The following CADM2 variants were observed in gnomAD, a reference collection of about 807,000 sequenced individuals.
The protein encoded by CADM2 is cell adhesion molecule 2.
A neutral mutation model predicts 49.8 loss-of-function variants in CADM2; 12 were observed. That is an observed-to-expected ratio of 0.24 (90% CI 0.15 to 0.39). The LOEUF is 0.39. Ranked by LOEUF, CADM2 falls within the 10% of genes least tolerant of loss-of-function variation. The pLI is 1.00. For missense variants in CADM2, 378 were observed against 492.3 expected, an observed-to-expected ratio of 0.77 and a Z score of 2.20; for synonymous variants, 214 against 175.4, an observed-to-expected ratio of 1.22 and a Z score of -1.74.
intron 1 of CADM2, among the ~76,000 whole-genome samples, chr3:85,290,890 T>C (rs2075560168): frequency 6.6e-6 from 1 of 152,132 alleles, no homozygotes; most frequent in South Asian, 2.1e-4. Flanking sequence ...CCTCTCCTTC[T>C]CAAAAGGAAC....
At chr3:85,881,438 G>A (rs1712756844) in intron 3 of CADM2, among the ~76,000 whole-genome samples, 1 of 151,990 alleles carries the variant, frequency 6.6e-6, no homozygotes, top group African/African-American at 2.4e-5. Flanking sequence ...TGTTTAGTAT[G>A]ACTAGTAAGT....
chr3:86,038,925 T>C (rs1371330252), intron 8 of CADM2, among the ~76,000 whole-genome samples: 1 of 152,214 alleles, frequency 6.6e-6, no homozygotes, highest in Admixed American at 6.5e-5. Context: ...TAGTGACAGC[T>C]GTTTGAAAAT....
At chr3:86,012,254 GTTATT>G (rs1177147803) in intron 8 of CADM2, among the ~76,000 whole-genome samples, 2 of 152,076 alleles carry the variant, frequency 1.3e-5, no homozygotes, top group East Asian at 3.8e-4. Context: ...TGTATGTATA[GTTATT>G]TTAGTAAATC....
At chr3:85,886,105 T>A (rs1713619304) in intron 4 of CADM2, 85 bp from the exon 5 acceptor site, 1 of 1,559,930 alleles carries the variant, frequency 6.4e-7, no homozygotes, top group Non-Finnish European at 8.7e-7. Context: ...ACCATCCAGT[T>A]CAGTTTCATG....
intron 1 of CADM2, among the ~76,000 whole-genome samples, chr3:85,122,236 G>T (rs769483416): frequency 2.0e-5 from 3 of 151,992 alleles, no homozygotes; most frequent in Non-Finnish European, 4.4e-5. Flanking sequence ...AGTTTTAATT[G>T]ATTCACCAAC....
At chr3:86,046,396 C>T (rs1736691766) in intron 8 of CADM2, among the ~76,000 whole-genome samples, 1 of 152,090 alleles carries the variant, frequency 6.6e-6, no homozygotes, top group South Asian at 2.1e-4. Context: ...TATTTTTCTT[C>T]TCATTCTCCA....
chr3:85,620,174 T>G (rs1394754474), intron 1 of CADM2, among the ~76,000 whole-genome samples: 1 of 152,194 alleles, frequency 6.6e-6, no homozygotes, highest in Non-Finnish European at 1.5e-5. Flanking sequence ...TTAAAGCTAA[T>G]GAGATGATAT....
intron 1 of CADM2, among the ~76,000 whole-genome samples, chr3:84,965,954 T>C (rs898862180): frequency 2.0e-5 from 3 of 152,204 alleles, no homozygotes; most frequent in African/African-American, 7.2e-5. Context: ...TCTAAAAATG[T>C]AAGAGTTATA....
rs1157576505 is a variant in CADM2, at chr3:85,321,116, A to ATTTTTTTTTTTTT, written c.61+361486_61+361498dup. Among the ~76,000 whole-genome samples, 3 of 27,502 alleles carry ATTTTTTTTTTTTT rather than the reference A, an allele frequency of 1.1e-4. 1 individual carries two copies. Among genetic ancestry groups the ATTTTTTTTTTTTT allele is most frequent in the African/African-American group, 1.5e-4 (1 of 6,812 alleles). 18.0% of individuals were successfully genotyped at this position (27,502 alleles called of 152,430 possible). On this transcript the variant is annotated intron_variant, in intron 1 of 9. Coordinates refer to ENST00000383699, the MANE Select transcript of CADM2 (RefSeq NM_001167675.2). ...CATATATATATATATATATATATAT[A>ATTTTTTTTTTTTT]TTTTTTTTTTTTTTTTTTTTTTTTT...
At chr3:85,698,359 G>A (rs375063978) in intron 1 of CADM2, among the ~76,000 whole-genome samples, 5 of 152,270 alleles carry the variant, frequency 3.3e-5, no homozygotes, top group South Asian at 2.1e-4. Flanking sequence ...CCATAAGCAA[G>A]GTGGAAGCTA....
rs200400018 is a variant in CADM2, at chr3:85,446,604, G to T, written c.62-279918G>T. Among the ~76,000 whole-genome samples, 1,039 of 131,934 alleles carry T rather than the reference G, an allele frequency of 7.9e-3. 8 individuals are homozygous for T. The highest frequency in any genetic ancestry group is 0.021 in the African/African-American group (761 of 35,954). The allele number at this position is 131,934 out of a possible 152,430, so 86.6% of individuals were successfully genotyped here. ...TGTGTGTGAGTTTTTTTTGTTTTTTGTTTTTTTTTTTTTTTGAGACGGAGT... is the reference window on the plus strand; with the variant it reads ...TGTGTGTGAGTTTTTTTTGTTTTTTTTTTTTTTTTTTTTTTGAGACGGAGT... On this transcript the variant is annotated intron_variant, in intron 1 of 9. Coordinates refer to ENST00000383699, the MANE Select transcript of CADM2 (RefSeq NM_001167675.2).
intron 1 of CADM2, among the ~76,000 whole-genome samples, chr3:85,058,808 G>A (rs2036191417): frequency 2.0e-5 from 3 of 151,916 alleles, no homozygotes; most frequent in Admixed American, 1.3e-4. Flanking sequence ...GATTATAATT[G>A]TCTTCTATTA....
chr3:85,117,813 C>A (rs2038698376), intron 1 of CADM2, among the ~76,000 whole-genome samples: 1 of 152,052 alleles, frequency 6.6e-6, no homozygotes, highest in Admixed American at 6.6e-5. Flanking sequence ...TGGTTATTTT[C>A]TTCCTTTGTG....
At chr3:85,374,257 T>C (rs916735803) in intron 1 of CADM2, among the ~76,000 whole-genome samples, 1 of 152,180 alleles carries the variant, frequency 6.6e-6, no homozygotes, top group Non-Finnish European at 1.5e-5. Context: ...TTCTGCCAGA[T>C]ACCCTAAATC....
intron 1 of CADM2, among the ~76,000 whole-genome samples, chr3:85,273,794 C>T (rs1284868049): frequency 2.0e-5 from 3 of 150,432 alleles, no homozygotes; most frequent in Non-Finnish European, 4.4e-5. Context: ...TTTGGAGATA[C>T]ATTTTATGAG....
intron 1 of CADM2, among the ~76,000 whole-genome samples, chr3:85,079,180 G>C (rs2037063628): frequency 6.6e-6 from 1 of 151,618 alleles, no homozygotes; most frequent in Non-Finnish European, 1.5e-5. Context: ...TGAAATAGCA[G>C]AAATTTAAAC....
At chr3:85,012,754 T>G (rs1189430242) in intron 1 of CADM2, among the ~76,000 whole-genome samples, 1 of 151,278 alleles carries the variant, frequency 6.6e-6, no homozygotes, top group Non-Finnish European at 1.5e-5. Context: ...AGTTATAATT[T>G]ATTTCTATAT....
intron 1 of CADM2, among the ~76,000 whole-genome samples, chr3:85,572,408 A>T (rs924258837): frequency 6.6e-6 from 1 of 152,222 alleles, no homozygotes; most frequent in East Asian, 1.9e-4. Flanking sequence ...ATGTAAATGC[A>T]TGTACCTATA....
At chr3:85,974,086 G>A (rs1726486755) in intron 8 of CADM2, among the ~76,000 whole-genome samples, 1 of 151,662 alleles carries the variant, frequency 6.6e-6, no homozygotes, top group Non-Finnish European at 1.5e-5. Flanking sequence ...ATAAGGCTGA[G>A]CCTACAGTTT....
Sources: gnomAD v4.1 joint callset for allele counts (sites outside exome capture counted in the v4.1 genomes callset) on GRCh38, gnomAD v4.1.1 for gene constraint, MANE v1.5 for transcripts, NCBI Gene and HGNC (gene_info 2026-07-23, HGNC 2026-07-21) for gene names.